ZNF878: variants seen among roughly 807,000 people sequenced by gnomAD.
ZNF878 encodes the protein zinc finger protein 878.
In ZNF878, 10 loss-of-function variants were observed where a neutral mutation model predicts 11.1. The observed-to-expected ratio is 0.90, with a 90% CI of 0.56 to 1.53. The LOEUF (loss-of-function observed/expected upper bound fraction) is 1.53. ZNF878 is among the 40% of genes most tolerant of loss of function. The pLI, the probability that ZNF878 is intolerant of heterozygous loss-of-function variation, is 0.00. For synonymous variants in ZNF878, 165 were observed against 209.7 expected (o/e 0.79, Z 1.84); for missense variants, 548 against 626.1 (o/e 0.88, Z 1.33).
chr19:12,049,321 TGTG>T (rs1451658115), intron 1 of ZNF878, among the ~76,000 whole-genome samples: 1 of 146,060 alleles, frequency 6.8e-6, no homozygotes, highest in Non-Finnish European at 1.5e-5. Context: ...ATTAGCCAGG[TGTG>T]GTGGCAGGTG....
At chr19:12,049,154 A>AG (rs1226940410) in intron 1 of ZNF878, among the ~76,000 whole-genome samples, 1 of 150,922 alleles carries the variant, frequency 6.6e-6, no homozygotes, top group East Asian at 1.9e-4. Flanking sequence ...AAAAAAAAAA[A>AG]AAGATAATAC....
At position 12,044,402 on chromosome 19, in the gene ZNF878, G is replaced by GT; in HGVS notation, c.998dup (p.His333GlnfsTer8). On this transcript the variant is annotated frameshift_variant, in exon 4 of 4. Transcript: ENST00000547628. LOFTEE classifies it low-confidence loss of function (END_TRUNC). ...TACATTCATAAGGTTTCTCTCCAGT[G>GT]TGAGTCTTTTCATGATAGCGAAAGG... The GT allele has an allele frequency of 1.9e-6, 3 of 1,614,008 alleles. No homozygotes were observed. The highest frequency in any genetic ancestry group is 2.5e-6 in the Non-Finnish European group (3 of 1,179,994).
At chr19:12,046,546 G>T in intron 2 of ZNF878, 88 bp downstream of exon 2, 1 of 1,588,444 alleles carries the variant, frequency 6.3e-7, no homozygotes, top group South Asian at 1.1e-5. Flanking sequence ...AGTATTCCCT[G>T]ACCATATTCC....
intron 1 of ZNF878, among the ~76,000 whole-genome samples, chr19:12,047,480 C>T (rs1599390606): frequency 6.6e-6 from 1 of 152,028 alleles, no homozygotes; most frequent in East Asian, 1.9e-4. Flanking sequence ...AGGAGAATCA[C>T]TTGAACCCAT....
chr19:12,052,379 C>A (rs1400654536), intron 1 of ZNF878, among the ~76,000 whole-genome samples: 1 of 152,154 alleles, frequency 6.6e-6, no homozygotes, highest in Admixed American at 6.5e-5. Context: ...AAAATAAACT[C>A]TCATTTTTTA....
intron 3 of ZNF878, among the ~76,000 whole-genome samples, chr19:12,045,563 T>C (rs1599389356): frequency 1.3e-5 from 2 of 151,574 alleles, no homozygotes; most frequent in South Asian, 4.2e-4. Flanking sequence ...AGGAGAATAG[T>C]GTGAACCCGG....
intron 3 of ZNF878, among the ~76,000 whole-genome samples, chr19:12,045,865 A>G (rs1428987557): frequency 6.6e-6 from 1 of 150,792 alleles, no homozygotes; most frequent in Non-Finnish European, 1.5e-5. Flanking sequence ...GACTACAGGC[A>G]CGCACCACCA....
rs1466793997 is a variant in ZNF878 at position 12,044,703 on chromosome 19, C to T, written c.698G>A (p.Gly233Glu). 3.1e-6 allele frequency: 5 copies of T among 1,613,970 alleles called. No individual in the cohort carries two copies. Among genetic ancestry groups the T allele is most frequent in the Non-Finnish European group, 4.2e-6 (5 of 1,179,976 alleles). ...CGAACTGGGAGAAAAAAAGGCTTTC[C>T]CACATATGTTACATTTATGAGGTCT... ...GERPHKCNIC[G>E]KAFFSPSSLK... Residue 233 changes from glycine (G) to glutamate (E), a missense_variant, in exon 4 of 4, where the codon GGG becomes GAG. Gly to Glu is a moderately conservative substitution (Grantham distance 98). Coordinates refer to ENST00000547628, the MANE Select transcript of ZNF878 (RefSeq NM_001080404.3).
intron 1 of ZNF878, among the ~76,000 whole-genome samples, chr19:12,048,721 C>T (rs1393130160): frequency 6.7e-6 from 1 of 150,326 alleles, no homozygotes; most frequent in Non-Finnish European, 1.5e-5. Flanking sequence ...GTAATCCCAG[C>T]TACTTGGGGG....
At chr19:12,045,940 C>T (rs1308241345) in intron 3 of ZNF878, 1 of 155,144 alleles carries the variant, frequency 6.4e-6, no homozygotes, top group East Asian at 1.9e-4. Flanking sequence ...AGGATGGTCT[C>T]AATCTCTTGA....
intron 1 of ZNF878, 150 bp downstream of exon 1, chr19:12,052,649 C>T: frequency 1.0e-6 from 1 of 974,642 alleles, no homozygotes; most frequent in Non-Finnish European, 1.4e-6. Context: ...ACCCAGCGGC[C>T]GAGGGGACCG....
intron 1 of ZNF878, among the ~76,000 whole-genome samples, chr19:12,052,250 C>T (rs1319739484): frequency 6.6e-6 from 1 of 152,210 alleles, no homozygotes; most frequent in East Asian, 1.9e-4. Flanking sequence ...TTGTGTTTCC[C>T]TCAGCCGAGG....
intron 1 of ZNF878, among the ~76,000 whole-genome samples, chr19:12,049,474 A>AAAAAAAAAAAAAAAAAAAAAT (rs1975530008): frequency 6.8e-6 from 1 of 147,942 alleles, no homozygotes; most frequent in Admixed American, 6.8e-5. Flanking sequence ...AAAAAAAAAA[A>AAAAAAAAAAAAAAAAAAAAAT]AAAAAAAGAA....
intron 1 of ZNF878, among the ~76,000 whole-genome samples, chr19:12,047,344 G>A (rs1162964906): frequency 1.3e-5 from 2 of 150,592 alleles, no homozygotes; most frequent in Non-Finnish European, 3.0e-5. Context: ...CGGGCGGATC[G>A]CCTGAGGTCA....
chr19:12,048,186 T>C (rs924699296), intron 1 of ZNF878, among the ~76,000 whole-genome samples: 1 of 152,022 alleles, frequency 6.6e-6, no homozygotes, highest in Non-Finnish European at 1.5e-5. Flanking sequence ...TACTGGAAAC[T>C]CCAAACAGCC....
intron 1 of ZNF878, among the ~76,000 whole-genome samples, chr19:12,049,764 C>A (rs1422830314): frequency 1.1e-4 from 16 of 151,446 alleles, no homozygotes; most frequent in Non-Finnish European, 4.4e-5. Flanking sequence ...GAGCGAAACT[C>A]CATCTCAAAA....
intron 2 of ZNF878, 90 bp downstream of exon 2, chr19:12,046,544 C>T (rs1327999012): frequency 7.6e-6 from 12 of 1,589,302 alleles, no homozygotes; most frequent in South Asian, 3.4e-5. Flanking sequence ...AAAGTATTCC[C>T]TGACCATATT....
intron 3 of ZNF878, among the ~76,000 whole-genome samples, chr19:12,045,876 C>G (rs544637203): frequency 6.6e-6 from 1 of 151,728 alleles, no homozygotes; most frequent in African/African-American, 2.4e-5. Context: ...CGCACCACCA[C>G]GCCCAGCTAA....
chr19:12,050,722 C>T (rs1019700408), intron 1 of ZNF878, among the ~76,000 whole-genome samples: 5 of 152,212 alleles, frequency 3.3e-5, no homozygotes, highest in Non-Finnish European at 7.3e-5. Context: ...TTCCCTCTTA[C>T]TTTTCTTACA....
Sources: gnomAD v4.1 joint callset for allele counts (sites outside exome capture counted in the v4.1 genomes callset) on GRCh38, gnomAD v4.1.1 for gene constraint, MANE v1.5 for transcripts, NCBI Gene and HGNC (gene_info 2026-07-23, HGNC 2026-07-21) for gene names.